ARAP3: variants seen among roughly 807,000 people sequenced by gnomAD.
The protein encoded by ARAP3 is ArfGAP with RhoGAP domain, ankyrin repeat and PH domain 3, also known as arf-GAP with Rho-GAP domain, ANK repeat and PH domain-containing protein 3.
ARAP3 carries 82 observed loss-of-function variants against 169.2 expected under a neutral mutation model. The ratio of observed to expected loss-of-function variants is 0.48; its 90% CI spans 0.41 to 0.58. The LOEUF is 0.58. ARAP3 is among the 20% of genes least tolerant of loss of function. The probability of loss-of-function intolerance (pLI) is 0.00; values close to 1 mark genes in which losing one functional copy is unlikely to be tolerated. For missense variants in ARAP3, 1,764 were observed against 2,018.0 expected (o/e 0.87, Z 2.41); for synonymous variants, 791 against 800.3 (o/e 0.99, Z 0.20).
intron 1 of ARAP3, among the ~76,000 whole-genome samples, chr5:141,681,104 A>G (rs762247796): frequency 1.6e-4 from 25 of 152,070 alleles, no homozygotes; most frequent in Non-Finnish European, 3.1e-4. Flanking sequence ...CTGTCCCTCC[A>G]GCCCTGGCCG....
intron 32 of ARAP3, 75 bp from the exon 33 acceptor site, chr5:141,654,510 G>A: frequency 6.7e-7 from 1 of 1,500,748 alleles, no homozygotes; most frequent in Non-Finnish European, 8.9e-7. Context: ...CATTTACTGA[G>A]CTCTTCCTCT....
chr5:141,664,247 G>T (rs777102235), intron 19 of ARAP3, among the ~76,000 whole-genome samples: 1 of 152,128 alleles, frequency 6.6e-6, no homozygotes, highest in East Asian at 1.9e-4. Flanking sequence ...ATCCAGGTGT[G>T]GTGGGGCACG....
At chr5:141,654,682 C>T (rs2099908969) in intron 32 of ARAP3, among the ~76,000 whole-genome samples, 1 of 151,662 alleles carries the variant, frequency 6.6e-6, no homozygotes, top group African/African-American at 2.4e-5. Flanking sequence ...TGTCTAACTC[C>T]AAAATGCATT....
In ARAP3 at chr5:141,656,219, G is replaced by A. The variant is rs963954078; in HGVS notation, c.3847C>T (p.Arg1283Cys). 10 of 1,614,002 alleles carry A rather than the reference G, an allele frequency of 6.2e-6. No homozygotes were observed. Among genetic ancestry groups the A allele is most frequent in the East Asian group, 4.5e-5 (2 of 44,888 alleles). Reference sequence around the variant, plus strand: ...GGTGTTGGGGGCTTTAACTTCTTGCGGATTCCCAGGTAGACCTTGGCACCT... The same window carrying A: ...GGTGTTGGGGGCTTTAACTTCTTGCAGATTCCCAGGTAGACCTTGGCACCT... ...LEGAKVYLGI[R>C]KKLKPPTPWG... Residue 1283 changes from arginine (R) to cysteine (C), a missense_variant, in exon 28 of 33, where the codon CGC becomes TGC. By Grantham distance (180) the Arg-to-Cys change is radical. Around this residue, in one of 3 missense-constraint regions of ARAP3, gnomAD observed 1,112 missense variants for 1,285.7 expected, o/e 0.86. Transcript: ENST00000239440.
intron 21 of ARAP3, 143 bp from the exon 22 acceptor site, chr5:141,660,069 G>T: frequency 8.9e-7 from 1 of 1,117,462 alleles, no homozygotes; most frequent in Non-Finnish European, 1.2e-6. Context: ...GTCTAGGGGA[G>T]ACAGATAAGG....
rs1055572281 is a variant in ARAP3 at position 141,670,578 on chromosome 5, C to T, written c.2041G>A (p.Gly681Ser). ...NEVVVRATYS[G>S]FLYCSPVSNK... ...CTGACGGGACTGCAGTACAGGAAGC[C>T]GCTGTAAGTAGCACGCACCACCACC... is the stretch of plus-strand genomic sequence containing the variant. The change falls in exon 14 of 33, where the codon GGC (glycine) becomes AGC (serine). Residue 681 changes from glycine (G) to serine (S), a missense_variant. Physicochemically the swap from Gly to Ser is moderately conservative, Grantham distance 56. Around this residue, in one of 3 missense-constraint regions of ARAP3, gnomAD observed 1,112 missense variants for 1,285.7 expected, o/e 0.86. Transcript: ENST00000239440. 5.0e-6 allele frequency: 8 copies of T among 1,613,984 alleles called. No individual in the cohort carries two copies. The highest frequency in any genetic ancestry group is 1.7e-5 in the Admixed American group (1 of 59,998).
chr5:141,662,005 C>T (rs1474200478), intron 20 of ARAP3, 38 bp downstream of exon 20: 1 of 1,611,458 alleles, frequency 6.2e-7, no homozygotes, highest in Non-Finnish European at 8.5e-7. Context: ...AGGCAGAGAT[C>T]CTGGTTGGGC....
intron 29 of ARAP3, 53 bp from the exon 30 acceptor site, chr5:141,655,985 A>G: frequency 6.2e-7 from 1 of 1,613,676 alleles, no homozygotes; most frequent in Non-Finnish European, 8.5e-7. Context: ...AGCTATAGGA[A>G]TGGAGCATAC....
Position 141,671,638 on chromosome 5 carries a change from G to C in ARAP3, c.1786C>G (p.Arg596Gly). ...CGGAAGAGACCCAGACGGTACTTTC[G>C]GGAGATGAACTCTCCCCGGGGGCCA... is the stretch of plus-strand genomic sequence containing the variant. ...TPGPRGEFIS[R>G]KYRLGLFRKP... The change falls in exon 12 of 33, where the codon CGA (arginine) becomes GGA (glycine). Residue 596 changes from arginine (R) to glycine (G), a missense_variant. Physicochemically the swap from Arg to Gly is moderately radical, Grantham distance 125. Transcript: ENST00000239440. The surrounding 1 kb of genome is among the most constrained non-coding windows in gnomAD (Gnocchi z 4.9). The C allele has an allele frequency of 6.2e-7, 1 of 1,614,074 alleles. No homozygotes were observed. The highest frequency in any genetic ancestry group is 8.5e-7 in the Non-Finnish European group (1 of 1,179,978).
At position 141,671,466 on chromosome 5, in the gene ARAP3, T is replaced by A. The variant is rs2099911440; in HGVS notation, c.1855-66A>T. 5 of 1,598,936 alleles carry A rather than the reference T, an allele frequency of 3.1e-6. No homozygotes were observed. The Admixed American group carries it at 8.5e-5, about 27-fold the overall frequency. On this transcript the variant is annotated intron_variant, in intron 12 of 32. Transcript: ENST00000239440. This position sits in a 1 kb window ranked among gnomAD's most constrained non-coding sequence, Gnocchi z 4.9. The stretch of plus-strand genomic sequence containing the variant: ...ACTGAGAGCACTGGGGACAGTCGTA[T>A]CATCACTAAAAACAGTCCCCACCAC...
rs769847121 is a variant in ARAP3, at chr5:141,654,411, C to T, written c.4174G>A (p.Val1392Met). The T allele has an allele frequency of 6.2e-7, 1 of 1,603,332 alleles. No individual in the cohort carries two copies. The highest frequency in any genetic ancestry group is 8.5e-7 in the Non-Finnish European group (1 of 1,174,260). ...TCCTCCAGCTCCTCTTGCTCCTCCA[C>T]AGACCCCTGGGATGACTTCATTGGC... is the stretch of plus-strand genomic sequence containing the variant. ...FFPMKSSQGSVEEQEELEEPV... is the reference protein window; with the variant it reads ...FFPMKSSQGSMEEQEELEEPV... The change falls in exon 33 of 33, where the codon GTG (valine) becomes ATG (methionine). Residue 1392 changes from valine (V) to methionine (M), a missense_variant. Physicochemically the swap from Val to Met is conservative, Grantham distance 21. Coordinates refer to ENST00000239440, the MANE Select transcript of ARAP3 (RefSeq NM_022481.6).
chr5:141,669,635 AAG>A (rs2099911166), intron 16 of ARAP3, 72 bp downstream of exon 16: 1 of 1,386,754 alleles, frequency 7.2e-7, no homozygotes, highest in African/African-American at 1.4e-5. Context: ...CTGTAGGAAT[AAG>A]AGAGGAGAAG....
At chr5:141,665,427 C>CTAT in intron 17 of ARAP3, 53 bp from the exon 18 acceptor site, 1 of 1,580,982 alleles carries the variant, frequency 6.3e-7, no homozygotes, top group Non-Finnish European at 8.7e-7. Flanking sequence ...ATTATAGAGA[C>CTAT]TATTATTTAT....
chr5:141,673,914 G>T, intron 4 of ARAP3, 106 bp from the exon 5 acceptor site: 2 of 975,480 alleles, frequency 2.1e-6, no homozygotes, highest in Non-Finnish European at 3.0e-6. Flanking sequence ...AGAATGCCTG[G>T]CAGGTACTGG....
intron 19 of ARAP3, 50 bp downstream of exon 19, chr5:141,664,872 A>ACCCCCCCC: frequency 5.0e-6 from 1 of 202,012 alleles, no homozygotes; most frequent in South Asian, 2.9e-5. Context: ...CCCCCTCATC[A>ACCCCCCCC]CCCCCACCCC....
Position 141,659,521 on chromosome 5 carries a change from C to T in ARAP3, c.3268-45G>A, listed in dbSNP as rs145861714. 5.3e-4 allele frequency: 849 copies of T among 1,601,950 alleles called. 7 individuals are homozygous for T. In the African/African-American group the frequency reaches 0.01, roughly 19 times the overall value. ...GAGTGTTGGGGTGCTGGAAGAGGAT[C>T]TGCCGGGAAGATCTCAAGGCCAAGG... On this transcript the variant is annotated intron_variant, in intron 22 of 32. Transcript: ENST00000239440.
At chr5:141,673,348 C>G in intron 6 of ARAP3, 53 bp downstream of exon 6, 1 of 1,610,200 alleles carries the variant, frequency 6.2e-7, no homozygotes, top group Non-Finnish European at 8.5e-7. Flanking sequence ...CTGAGCCCCT[C>G]TCAGCCCTCC....
Position 141,654,336 on chromosome 5 carries a change from A to G in ARAP3, c.4249T>C (p.Leu1417=), listed in dbSNP as rs145099922. ...AAGGAGGTAGAAGTGTCCTGGATCA[A>G]CTCAGGGAAGGCCCCTACTTCCTCA... ...VYEEVGAFPE[L]IQDTSTSFST... Residue 1417 remains leucine (L), a synonymous_variant, in exon 33 of 33, where the codon TTG becomes CTG. Transcript: ENST00000239440. 2 of 1,613,832 alleles carry G rather than the reference A, an allele frequency of 1.2e-6. No homozygotes were observed. Among genetic ancestry groups the G allele is most frequent in the Non-Finnish European group, 1.7e-6 (2 of 1,179,976 alleles).
chr5:141,671,497 T>C lies in ARAP3; in HGVS notation c.1854+73A>G. Reference sequence around the variant, plus strand: ...CTAAAAACAGTCCCCACCACCCAAGTCTAGGCATTCCAACTCCAGAGAGTG... The same window carrying C: ...CTAAAAACAGTCCCCACCACCCAAGCCTAGGCATTCCAACTCCAGAGAGTG... On this transcript the variant is annotated intron_variant, in intron 12 of 32. Coordinates refer to ENST00000239440, the MANE Select transcript of ARAP3 (RefSeq NM_022481.6). The surrounding 1 kb of genome is among the most constrained non-coding windows in gnomAD (Gnocchi z 4.9). 1 of 1,607,524 alleles carries C rather than the reference T, an allele frequency of 6.2e-7. No homozygotes were observed. Among genetic ancestry groups the C allele is most frequent in the Non-Finnish European group, 8.5e-7 (1 of 1,177,216 alleles).
Sources: allele counts gnomAD v4.1 joint callset (sites outside exome capture counted in the v4.1 genomes callset), GRCh38; gene constraint gnomAD v4.1.1; regional missense constraint gnomAD v4.1.1; non-coding constraint Gnocchi (gnomAD v3.1); transcripts MANE v1.5; gene names NCBI Gene and HGNC (gene_info 2026-07-23, HGNC 2026-07-21).